The following SHISA5 variants were observed in gnomAD, a reference collection of about 807,000 sequenced individuals.
SHISA5 encodes the protein shisa family member 5, also known as protein shisa-5.
Under a neutral mutation model 27.5 loss-of-function variants are expected in SHISA5, and 21 were observed. The ratio of observed to expected loss-of-function variants is 0.76; its 90% CI spans 0.54 to 1.10. The LOEUF is 1.10. Among genes scored for constraint, SHISA5 ranks in the 50% least tolerant of loss-of-function variants. The probability of loss-of-function intolerance (pLI) is 0.00; values close to 1 mark genes in which losing one functional copy is unlikely to be tolerated. For synonymous variants in SHISA5, 137 were observed against 142.2 expected, an observed-to-expected ratio of 0.96 and a Z score of 0.26; for missense variants, 314 against 336.3, an observed-to-expected ratio of 0.93 and a Z score of 0.52.
intron 2 of SHISA5, among the ~76,000 whole-genome samples, chr3:48,483,208 T>C (rs937082271): frequency 2.0e-5 from 3 of 152,016 alleles, no homozygotes; most frequent in Non-Finnish European, 4.4e-5. Flanking sequence ...CAAAGGTCTC[T>C]AGTTTTCCTA....
chr3:48,502,986 G>T, intron 1 of SHISA5: 1 of 638,134 alleles, frequency 1.6e-6, no homozygotes, highest in South Asian at 1.6e-5. Flanking sequence ...TTAGTGGGGA[G>T]TTGGGGGGAA....
At chr3:48,476,415 AG>A (rs1254605117) in intron 3 of SHISA5, among the ~76,000 whole-genome samples, 2 of 149,292 alleles carry the variant, frequency 1.3e-5, no homozygotes, top group African/African-American at 2.5e-5. Flanking sequence ...GGAGAGGAGG[AG>A]GGGTCAGTGG....
At chr3:48,484,564 C>G (rs1432326597) in intron 2 of SHISA5, among the ~76,000 whole-genome samples, 1 of 151,114 alleles carries the variant, frequency 6.6e-6, no homozygotes, top group Admixed American at 6.6e-5. Flanking sequence ...CTACTCCAGC[C>G]TGGGCGACAG....
Position 48,473,151 on chromosome 3 carries a change from G to T in SHISA5, c.315-3308C>A. ...TCTCCTCCAGATGACGTCAGCCACA[G>T]GAAGCACAGACGCGAAGCCCCGTTC... On this transcript the variant is annotated intron_variant, in intron 3 of 5. Coordinates refer to ENST00000296444, the MANE Select transcript of SHISA5 (RefSeq NM_016479.6). The surrounding 1 kb of genome is among the most constrained non-coding windows in gnomAD (Gnocchi z 4.3). 6.9e-7 allele frequency: 1 copy of T among 1,453,582 alleles called. No individual in the cohort carries two copies. Among genetic ancestry groups the T allele is most frequent in the East Asian group, 2.5e-5 (1 of 39,550 alleles). 90.0% of individuals were successfully genotyped at this position (1,453,582 alleles called of 1,614,324 possible). A position where few individuals can be genotyped will look rare whatever the true frequency, so the allele number is the denominator to read the frequency against.
At chr3:48,497,569 AC>A (rs1371005254) in intron 2 of SHISA5, among the ~76,000 whole-genome samples, 2 of 151,780 alleles carry the variant, frequency 1.3e-5, no homozygotes, top group African/African-American at 4.8e-5. Flanking sequence ...CCAGAAAAAA[AC>A]AATCTTAAAA....
rs2040582773 is a variant in SHISA5 at position 48,470,805 on chromosome 3, T to TA, written c.315-963dup. Among the ~76,000 whole-genome samples, 1 of 151,968 alleles carries TA rather than the reference T, an allele frequency of 6.6e-6. No homozygotes were observed. The highest frequency in any genetic ancestry group is 6.6e-5 in the Admixed American group (1 of 15,258). On this transcript the variant is annotated intron_variant, in intron 3 of 5. Transcript: ENST00000296444. The surrounding 1 kb of genome is among the most constrained non-coding windows in gnomAD (Gnocchi z 4.3). The stretch of plus-strand genomic sequence containing the variant: ...AGTCGGGCACGGTGGCGGGTGCCTG[T>TA]AATCCCAGCTACTTGGGAGGCTGAG...
In SHISA5 at chr3:48,468,560, G is replaced by T; in HGVS notation, c.*547C>A. The T allele has an allele frequency of 2.5e-6, 3 of 1,188,950 alleles. No homozygotes were observed. Among genetic ancestry groups the T allele is most frequent in the Non-Finnish European group, 3.2e-6 (3 of 942,408 alleles). 73.7% of individuals were successfully genotyped at this position (1,188,950 alleles called of 1,614,324 possible). ...TGGGACATCTGCCCAAAGGATCAAA[G>T]TCCAACTTGGCCAGATCCCAAGCTT... On this transcript the variant is annotated 3_prime_UTR_variant, in exon 6 of 6. Transcript: ENST00000296444.
intron 2 of SHISA5, among the ~76,000 whole-genome samples, chr3:48,490,092 G>A (rs78164287): frequency 1.9e-3 from 282 of 152,022 alleles, no homozygotes; most frequent in African/African-American, 5.4e-3. Flanking sequence ...TTTCTGAGAC[G>A]GAGTTTTGCT....
chr3:48,500,677 G>A (rs2041726430), intron 2 of SHISA5, among the ~76,000 whole-genome samples: 1 of 152,172 alleles, frequency 6.6e-6, no homozygotes, highest in African/African-American at 2.4e-5. Flanking sequence ...AGGCTGCGCT[G>A]GGAGGACACA....
In SHISA5 at chr3:48,469,028, G is replaced by A. The variant is rs755489567; in HGVS notation, c.*79C>T. The A allele has an allele frequency of 4.1e-5, 66 of 1,602,698 alleles. No individual in the cohort carries two copies. The African/African-American group carries it at 8.4e-4, about 20-fold the overall frequency. On this transcript the variant is annotated 3_prime_UTR_variant, in exon 6 of 6. Coordinates refer to ENST00000296444, the MANE Select transcript of SHISA5 (RefSeq NM_016479.6). This position sits in a 1 kb window ranked among gnomAD's most constrained non-coding sequence, Gnocchi z 4.6. ...CCTGGACACACACAGCACACATGGGGCGTAAGGAACCGCGCCTGCACACCA... is the reference window on the plus strand; with the variant it reads ...CCTGGACACACACAGCACACATGGGACGTAAGGAACCGCGCCTGCACACCA...
At chr3:48,503,302 G>T (rs1252866004) in intron 1 of SHISA5, 4 of 592,242 alleles carry the variant, frequency 6.8e-6, no homozygotes, top group East Asian at 6.9e-5. Flanking sequence ...CTCACTCCAG[G>T]AGTGGGCGGA....
chr3:48,491,857 AC>A (rs1299551618), intron 2 of SHISA5, among the ~76,000 whole-genome samples: 15 of 151,832 alleles, frequency 9.9e-5, no homozygotes, highest in African/African-American at 3.4e-4. Context: ...CCCTGGCTAC[AC>A]TTCCTACTGA....
intron 2 of SHISA5, among the ~76,000 whole-genome samples, chr3:48,499,080 C>T (rs2041669751): frequency 7.7e-6 from 1 of 129,846 alleles, no homozygotes. Flanking sequence ...GAAACTCCAT[C>T]TCAAAAAAAA....
At chr3:48,478,554 C>T (rs2107316366) in intron 3 of SHISA5, among the ~76,000 whole-genome samples, 1 of 152,246 alleles carries the variant, frequency 6.6e-6, no homozygotes, top group East Asian at 1.9e-4. Context: ...GATGTCACAA[C>T]TCCTGTTACG....
At chr3:48,480,355 T>G (rs770037267) in intron 2 of SHISA5, among the ~76,000 whole-genome samples, 7 of 149,408 alleles carry the variant, frequency 4.7e-5, no homozygotes, top group Non-Finnish European at 1.0e-4. Context: ...TCATAAAGGA[T>G]ACTTACCTGG....
chr3:48,504,068 C>T lies in SHISA5; in HGVS notation c.27G>A (p.Arg9=). 3.5e-6 allele frequency: 5 copies of T among 1,424,370 alleles called. No individual in the cohort carries two copies. The highest frequency in any genetic ancestry group is 4.6e-6 in the Non-Finnish European group (5 of 1,083,506). The allele number at this position is 1,424,370 out of a possible 1,614,324, so 88.2% of individuals were successfully genotyped here. Residue 9 remains arginine (R), a synonymous_variant, in exon 1 of 6, where the codon CGG becomes CGA. Coordinates refer to ENST00000296444, the MANE Select transcript of SHISA5 (RefSeq NM_016479.6). The surrounding 1 kb of genome is among the most constrained non-coding windows in gnomAD (Gnocchi z 4.0). MTAPVPAP[R]ILLPLLLLLL... is the part of the protein sequence containing the mutation. Reference sequence around the variant, plus strand: ...GCAGCAACAGCAACGGCAACAGGATCCGCGGCGCGGGGACCGGCGCAGTCA... The same window carrying T: ...GCAGCAACAGCAACGGCAACAGGATTCGCGGCGCGGGGACCGGCGCAGTCA...
chr3:48,479,907 T>TC (rs2040949449), intron 2 of SHISA5, among the ~76,000 whole-genome samples: 1 of 134,056 alleles, frequency 7.5e-6, no homozygotes, highest in South Asian at 2.4e-4. Flanking sequence ...TCCACAAAGT[T>TC]TTTTTTTTTT....
intron 2 of SHISA5, among the ~76,000 whole-genome samples, chr3:48,492,328 G>A (rs1284704781): frequency 1.3e-5 from 2 of 151,506 alleles, no homozygotes; most frequent in African/African-American, 4.9e-5. Context: ...AAATTAGCCG[G>A]GCGCGGTGGC....
intron 3 of SHISA5, among the ~76,000 whole-genome samples, chr3:48,476,247 A>AGGAGAAT (rs974835261): frequency 5.9e-5 from 9 of 151,832 alleles, no homozygotes; most frequent in African/African-American, 2.2e-4. Context: ...AAGCTGAGGC[A>AGGAGAAT]GGAGAATTGC....
Sources: allele counts gnomAD v4.1 joint callset (sites outside exome capture counted in the v4.1 genomes callset), GRCh38; gene constraint gnomAD v4.1.1; non-coding constraint Gnocchi (gnomAD v3.1); transcripts MANE v1.5; gene names NCBI Gene and HGNC (gene_info 2026-07-23, HGNC 2026-07-21).